The following TBX15 variants were observed in gnomAD, a reference collection of about 807,000 sequenced individuals.
The protein encoded by TBX15 is T-box transcription factor 15.
Under a neutral mutation model 53.9 loss-of-function variants are expected in TBX15, and 18 were observed. The observed-to-expected ratio is 0.33, with a 90% CI of 0.23 to 0.49. The LOEUF is 0.49. TBX15 is among the 20% of genes least tolerant of loss of function. The pLI is 0.98. For synonymous variants in TBX15, 295 were observed against 278.0 expected, an observed-to-expected ratio of 1.06 and a Z score of -0.61; for missense variants, 692 against 749.5, an observed-to-expected ratio of 0.92 and a Z score of 0.90.
chr1:118,904,647 T>C (rs188830363), intron 6 of TBX15, among the ~76,000 whole-genome samples: 6 of 152,294 alleles, frequency 3.9e-5, no homozygotes, highest in Admixed American at 1.3e-4. Flanking sequence ...TCCCTTGGAG[T>C]ATGAATCAGC....
intron 7 of TBX15, among the ~76,000 whole-genome samples, chr1:118,897,412 T>C (rs1654466884): frequency 6.6e-6 from 1 of 152,172 alleles, no homozygotes; most frequent in African/African-American, 2.4e-5. Flanking sequence ...CCTCTGGAAC[T>C]GGCAATATCC....
intron 1 of TBX15, among the ~76,000 whole-genome samples, chr1:118,939,415 AAAAAAAAAAAAAAAAAAAAAAC>A (rs1292378531): frequency 2.7e-5 from 3 of 112,992 alleles, no homozygotes; most frequent in Non-Finnish European, 5.3e-5. Flanking sequence ...CTCAAAAAAA[AAAAAAAAAAAAAAAAAAAAAAC>A]AAAAACAGGA....
At chr1:118,885,602 C>T (rs756297660) in intron 7 of TBX15, 86 bp from the exon 8 acceptor site, 8 of 1,500,750 alleles carry the variant, frequency 5.3e-6, no homozygotes, top group Non-Finnish European at 7.2e-6. Flanking sequence ...CAGGAGGTGC[C>T]TTCAAATGTC....
intron 5 of TBX15, among the ~76,000 whole-genome samples, chr1:118,922,116 G>A (rs890211431): frequency 6.6e-6 from 1 of 152,174 alleles, no homozygotes; most frequent in Non-Finnish European, 1.5e-5. Context: ...AAATAAGCAT[G>A]CTTGTTGATT....
At chr1:118,969,493 G>T (rs1208191734) in intron 1 of TBX15, among the ~76,000 whole-genome samples, 3 of 152,150 alleles carry the variant, frequency 2.0e-5, no homozygotes, top group Non-Finnish European at 2.9e-5. Context: ...GAGACTTCTT[G>T]TTCTTCAGAG....
chr1:118,916,531 T>G (rs1169280442), intron 5 of TBX15, among the ~76,000 whole-genome samples: 1 of 152,096 alleles, frequency 6.6e-6, no homozygotes, highest in Non-Finnish European at 1.5e-5. Flanking sequence ...AAAACCACAA[T>G]GAGATACCAT....
chr1:118,894,992 A>T (rs1654372451), intron 7 of TBX15, among the ~76,000 whole-genome samples: 1 of 152,186 alleles, frequency 6.6e-6, no homozygotes, highest in Non-Finnish European at 1.5e-5. Flanking sequence ...GATAAATGAG[A>T]TCTGTATAAA....
Position 118,905,239 on chromosome 1 carries a change from G to A in TBX15, c.927-6114C>T, listed in dbSNP as rs2799759. Among the ~76,000 whole-genome samples, 1,411 of 152,216 alleles carry A rather than the reference G, an allele frequency of 9.3e-3. 20 individuals are homozygous for A. Among genetic ancestry groups the A allele is most frequent in the African/African-American group, 0.033 (1,357 of 41,532 alleles). On this transcript the variant is annotated intron_variant, in intron 6 of 7. Transcript: ENST00000369429. ...GTTGTCTTCTCAAAGAAACAAAAACGTGTCCCTCAAGTCCCTCTAGGCCTC... is the reference window on the plus strand; with the variant it reads ...GTTGTCTTCTCAAAGAAACAAAAACATGTCCCTCAAGTCCCTCTAGGCCTC...
At chr1:118,913,918 G>A (rs1222188604) in intron 6 of TBX15, among the ~76,000 whole-genome samples, 197 bp downstream of exon 6, 1 of 152,130 alleles carries the variant, frequency 6.6e-6, no homozygotes, top group Non-Finnish European at 1.5e-5. Context: ...ACAGCATGAG[G>A]GATTTGATCT....
intron 1 of TBX15, among the ~76,000 whole-genome samples, chr1:118,951,082 AT>A (rs1345636478): frequency 6.6e-6 from 1 of 152,266 alleles, no homozygotes; most frequent in East Asian, 1.9e-4. Context: ...GTAGCTATCT[AT>A]AAAAAGAATA....
chr1:118,985,664 C>T (rs1657806516), intron 1 of TBX15, among the ~76,000 whole-genome samples: 1 of 152,246 alleles, frequency 6.6e-6, no homozygotes, highest in Non-Finnish European at 1.5e-5. Context: ...ACTTGCCCCA[C>T]AAATATATTT....
chr1:118,956,501 G>T lies in TBX15; in HGVS notation c.206-24669C>A, dbSNP rs1411022406. On this transcript the variant is annotated intron_variant, in intron 1 of 7. Coordinates refer to ENST00000369429, the MANE Select transcript of TBX15 (RefSeq NM_001330677.2). ...CTGTGTAAAGGGTATACATGAAGGA[G>T]TTCCTTCTAATAGTTGCTGTAAATT... 2.6e-5 allele frequency among the ~76,000 whole-genome samples: 4 copies of T among 152,018 alleles called. No homozygotes were observed. The East Asian group carries it at 5.8e-4, about 22-fold the overall frequency.
At chr1:118,938,484 T>C (rs1444980298) in intron 1 of TBX15, among the ~76,000 whole-genome samples, 2 of 152,190 alleles carry the variant, frequency 1.3e-5, no homozygotes, top group Non-Finnish European at 2.9e-5. Context: ...GTGGTAGTAG[T>C]AATTTTTTAT....
intron 7 of TBX15, among the ~76,000 whole-genome samples, chr1:118,895,254 CA>C (rs1654383121): frequency 6.6e-6 from 1 of 152,148 alleles, no homozygotes; most frequent in Admixed American, 6.5e-5. Context: ...TGATGTCCAC[CA>C]ACTCTCTTGG....
At chr1:118,932,221 C>T (rs1655816794) in intron 1 of TBX15, among the ~76,000 whole-genome samples, 1 of 152,140 alleles carries the variant, frequency 6.6e-6, no homozygotes, top group Admixed American at 6.5e-5. Flanking sequence ...CAGGTCCAAA[C>T]CTAGATTAGA....
At chr1:118,920,700 A>G (rs1322493785) in intron 5 of TBX15, among the ~76,000 whole-genome samples, 1 of 152,192 alleles carries the variant, frequency 6.6e-6, no homozygotes, top group Non-Finnish European at 1.5e-5. Flanking sequence ...TTAAGCTTGC[A>G]GTCCAAGTGA....
intron 1 of TBX15, among the ~76,000 whole-genome samples, chr1:118,940,081 G>T (rs1288751485): frequency 1.3e-5 from 2 of 151,806 alleles, no homozygotes; most frequent in Admixed American, 6.6e-5. Flanking sequence ...AACTAGAACT[G>T]CAGAGCTGTG....
At chr1:118,966,208 C>G (rs1477399583) in intron 1 of TBX15, among the ~76,000 whole-genome samples, 1 of 152,172 alleles carries the variant, frequency 6.6e-6, no homozygotes, top group Non-Finnish European at 1.5e-5. Context: ...AGAATAGAAC[C>G]AATCTTGTGA....
chr1:118,908,667 G>A (rs1437793849), intron 6 of TBX15, among the ~76,000 whole-genome samples: 1 of 152,000 alleles, frequency 6.6e-6, no homozygotes. Flanking sequence ...AGCAAAATCT[G>A]TCAGTGATTT....
Sources: allele counts gnomAD v4.1 joint callset (sites outside exome capture counted in the v4.1 genomes callset), GRCh38; gene constraint gnomAD v4.1.1; transcripts MANE v1.5; gene names NCBI Gene and HGNC (gene_info 2026-07-23, HGNC 2026-07-21).